The following SERAC1 variants were observed in gnomAD, a reference collection of about 807,000 sequenced individuals.
SERAC1 encodes the protein serine active site containing 1.
Under a neutral mutation model 85.7 loss-of-function variants are expected in SERAC1, and 36 were observed. That is an observed-to-expected ratio of 0.42 (90% CI 0.32 to 0.55). SERAC1 has a LOEUF of 0.55. Among genes scored for constraint, SERAC1 ranks in the 20% least tolerant of loss-of-function variants. The pLI, the probability that SERAC1 is intolerant of heterozygous loss-of-function variation, is 0.11. For missense variants in SERAC1, 629 were observed against 796.2 expected (o/e 0.79, Z 2.53); for synonymous variants, 242 against 265.3 (o/e 0.91, Z 0.85).
Position 158,117,434 on chromosome 6 carries a change from C to A in SERAC1, c.1403+293G>T. 1 of 1,346,916 alleles carries A rather than the reference C, an allele frequency of 7.4e-7. No homozygotes were observed. The highest frequency in any genetic ancestry group is 1.0e-6 in the Non-Finnish European group (1 of 987,330). 83.4% of individuals were successfully genotyped at this position (1,346,916 alleles called of 1,614,324 possible). A position where few individuals can be genotyped will look rare whatever the true frequency, so the allele number is the denominator to read the frequency against. Reference sequence around the variant, plus strand: ...CAAGAACAAAAAAACATCACTTTTACTTCTGATAGAAAAGGAGACTGCTAG... The same window carrying A: ...CAAGAACAAAAAAACATCACTTTTAATTCTGATAGAAAAGGAGACTGCTAG... On this transcript the variant is annotated intron_variant, in intron 13 of 16. Coordinates refer to ENST00000647468, the MANE Select transcript of SERAC1 (RefSeq NM_032861.4). The surrounding 1 kb of genome is among the most constrained non-coding windows in gnomAD (Gnocchi z 4.3).
At chr6:158,155,399 TGAAAG>T in intron 2 of SERAC1, 48 bp from the exon 3 acceptor site, 1 of 1,146,242 alleles carries the variant, frequency 8.7e-7, no homozygotes, top group Non-Finnish European at 1.3e-6. Context: ...TTTAAAAGTG[TGAAAG>T]GAAATAGGCA....
chr6:158,156,337 A>G (rs577466353), intron 2 of SERAC1, among the ~76,000 whole-genome samples: 10 of 152,294 alleles, frequency 6.6e-5, no homozygotes, highest in Admixed American at 4.6e-4. Context: ...AAATATTCAA[A>G]TTCCTAGACA....
Position 158,117,865 on chromosome 6 carries a change from C to G in SERAC1, c.1309-44G>C. On this transcript the variant is annotated intron_variant, in intron 12 of 16. Transcript: ENST00000647468. The surrounding 1 kb of genome is among the most constrained non-coding windows in gnomAD (Gnocchi z 4.3). ...ATGTGAGAACAAGTATGAATCTTCA[C>G]CACTGCAATTACTGCCTAGTAAATC... 6.8e-7 allele frequency: 1 copy of G among 1,465,888 alleles called. No homozygotes were observed. Among genetic ancestry groups the G allele is most frequent in the South Asian group, 1.2e-5 (1 of 86,120 alleles). 90.8% of individuals were successfully genotyped at this position (1,465,888 alleles called of 1,614,324 possible).
chr6:158,133,792 A>G (rs1344885092), intron 8 of SERAC1, among the ~76,000 whole-genome samples: 1 of 152,176 alleles, frequency 6.6e-6, no homozygotes. Context: ...GTTTTTAACA[A>G]GGGTCCTTAG....
intron 8 of SERAC1, among the ~76,000 whole-genome samples, chr6:158,135,519 C>T (rs910460966): frequency 1.3e-5 from 2 of 151,456 alleles, no homozygotes; most frequent in Non-Finnish European, 2.9e-5. Context: ...GGTGACAGAG[C>T]GAGACTTCAT....
chr6:158,130,468 C>T lies in SERAC1; in HGVS notation c.757G>A (p.Gly253Arg), dbSNP rs1784648244. The T allele has an allele frequency of 6.3e-7, 1 of 1,592,920 alleles. No individual in the cohort carries two copies. Among genetic ancestry groups the T allele is most frequent in the Non-Finnish European group, 8.5e-7 (1 of 1,171,042 alleles). Residue 253 changes from glycine to arginine, a missense_variant, in exon 9 of 17, where the codon GGA becomes AGA. Coordinates refer to ENST00000647468, the MANE Select transcript of SERAC1 (RefSeq NM_032861.4). ...AAQKGGLWCF[G>R]GNGLPYAESF... ...TCAGCATAAGGAAGTCCATTTCCTCCAAAACACCATAAACCACCCTGAAAT... is the reference window on the plus strand; with the variant it reads ...TCAGCATAAGGAAGTCCATTTCCTCTAAAACACCATAAACCACCCTGAAAT...
intron 16 of SERAC1, chr6:158,112,609 A>G (rs1784174743): frequency 6.6e-6 from 1 of 151,788 alleles, no homozygotes; most frequent in Middle Eastern, 3.2e-3. Context: ...TTATGTAGAT[A>G]GCATATAATG....
chr6:158,120,816 T>C lies in SERAC1; in HGVS notation c.1016-241A>G, dbSNP rs1784402903. 6.6e-6 allele frequency among the ~76,000 whole-genome samples: 1 copy of C among 152,218 alleles called. No individual in the cohort carries two copies. Among genetic ancestry groups the C allele is most frequent in the African/African-American group, 2.4e-5 (1 of 41,460 alleles). On this transcript the variant is annotated intron_variant, in intron 10 of 16. Coordinates refer to ENST00000647468, the MANE Select transcript of SERAC1 (RefSeq NM_032861.4). This position sits in a 1 kb window ranked among gnomAD's most constrained non-coding sequence, Gnocchi z 4.4. ...GGAAAGAGGGGTTGAAGAGCCATTT[T>C]CTTTATTTAGAAAGCCTAACACTAA...
At chr6:158,152,380 G>C (rs1034781236) in intron 3 of SERAC1, among the ~76,000 whole-genome samples, 1 of 152,172 alleles carries the variant, frequency 6.6e-6, no homozygotes, top group Non-Finnish European at 1.5e-5. Flanking sequence ...GCCAGGCATG[G>C]TGGCGGGCGC....
chr6:158,144,178 T>C (rs1003572931), intron 7 of SERAC1, 121 bp downstream of exon 7: 104 of 734,430 alleles, frequency 1.4e-4, no homozygotes, highest in Non-Finnish European at 9.0e-5. Context: ...TACATTCCAG[T>C]TTATCTGCTT....
intron 16 of SERAC1, 61 bp downstream of exon 16, chr6:158,113,388 C>A: frequency 7.0e-7 from 1 of 1,429,762 alleles, no homozygotes; most frequent in Non-Finnish European, 9.7e-7. Flanking sequence ...TTGCTGTTTA[C>A]AAGTAAATGC....
chr6:158,124,948 A>T (rs980432419), intron 10 of SERAC1, among the ~76,000 whole-genome samples: 1 of 152,244 alleles, frequency 6.6e-6, no homozygotes, highest in Non-Finnish European at 1.5e-5. Context: ...TAGGCTGAAG[A>T]GAAATATTAT....
At chr6:158,150,302 T>C in intron 4 of SERAC1, 151 bp downstream of exon 4, 1 of 567,656 alleles carries the variant, frequency 1.8e-6, no homozygotes, top group Non-Finnish European at 2.9e-6. Context: ...GGTCCTCAAT[T>C]AATTCTTCAG....
chr6:158,109,656 C>G lies in SERAC1; in HGVS notation c.*1710G>C, dbSNP rs535437835. 2.0e-5 allele frequency: 3 copies of G among 152,248 alleles called. No individual in the cohort carries two copies. In the South Asian group the frequency reaches 6.2e-4, roughly 32 times the overall value. 9.4% of individuals were successfully genotyped at this position (152,248 alleles called of 1,614,324 possible). On this transcript the variant is annotated 3_prime_UTR_variant, in exon 17 of 17. Transcript: ENST00000647468. ...ACTTACCATTTGACCAGCAATTCCA[C>G]CCAAGAGAATCAAAAACATCTATCC...
chr6:158,162,058 T>C (rs1785500272), intron 1 of SERAC1: 1 of 152,240 alleles, frequency 6.6e-6, no homozygotes, highest in South Asian at 2.1e-4. Context: ...CCATGTGGCC[T>C]TGCATGGTGT....
intron 16 of SERAC1, chr6:158,112,435 A>C (rs1784167931): frequency 6.9e-6 from 1 of 144,526 alleles, no homozygotes; most frequent in African/African-American, 2.6e-5. Flanking sequence ...ACAAAAAACT[A>C]TGCTGTTGCT....
In SERAC1 at chr6:158,120,550, T is replaced by G; in HGVS notation, c.1041A>C (p.Ala347=). 6.2e-7 allele frequency: 1 copy of G among 1,614,016 alleles called. No individual in the cohort carries two copies. Among genetic ancestry groups the G allele is most frequent in the Non-Finnish European group, 8.5e-7 (1 of 1,179,956 alleles). ...ACTCCATAATGTGGGGAGATTTCATTGCTTCTGCCATGATGGAAACCCAGC... is the reference window on the plus strand; with the variant it reads ...ACTCCATAATGTGGGGAGATTTCATGGCTTCTGCCATGATGGAAACCCAGC... ...RSGWVSIMAE[A]MKSPHIMESS... The change falls in exon 11 of 17, where the codon GCA becomes GCC. Residue 347 remains alanine, a synonymous_variant. Transcript: ENST00000647468. This position sits in a 1 kb window ranked among gnomAD's most constrained non-coding sequence, Gnocchi z 4.4.
rs1412209625 is a variant in SERAC1, at chr6:158,114,834, G to A, written c.1639C>T (p.Arg547Cys). The A allele has an allele frequency of 3.7e-6, 6 of 1,609,678 alleles. No individual in the cohort carries two copies. Among genetic ancestry groups the A allele is most frequent in the Middle Eastern group, 1.6e-4 (1 of 6,072 alleles). ...TCCAACGAGGGGAAGAGAAGATAGC[G>A]AATATTAACAGAGTATTCAGCCAAA... Reference protein sequence around the residue: ...SRLAEYSVNIRYLLFPSLEVK... With the variant: ...SRLAEYSVNICYLLFPSLEVK... The change falls in exon 15 of 17, where the codon CGC (arginine) becomes TGC (cysteine). Residue 547 changes from arginine to cysteine, a missense_variant. Coordinates refer to ENST00000647468, the MANE Select transcript of SERAC1 (RefSeq NM_032861.4).
chr6:158,133,850 T>A (rs1784736009), intron 8 of SERAC1, among the ~76,000 whole-genome samples: 1 of 152,060 alleles, frequency 6.6e-6, no homozygotes, highest in Non-Finnish European at 1.5e-5. Context: ...TAAACTTGGA[T>A]GGAAAAAAAA....
Sources: gnomAD v4.1 joint callset for allele counts (sites outside exome capture counted in the v4.1 genomes callset) on GRCh38, gnomAD v4.1.1 for gene constraint, Gnocchi (gnomAD v3.1) non-coding constraint, MANE v1.5 for transcripts, NCBI Gene and HGNC (gene_info 2026-07-23, HGNC 2026-07-21) for gene names.